The following PHETA1 variants were observed in gnomAD, a reference collection of about 807,000 sequenced individuals.
PHETA1 encodes the protein sesquipedalian-1.
For missense variants in PHETA1, 348 were observed against 373.5 expected, an observed-to-expected ratio of 0.93 and a Z score of 0.56; for synonymous variants, 155 against 168.9, an observed-to-expected ratio of 0.92 and a Z score of 0.64.
chr12:111,363,627 CAG>C lies in PHETA1; in HGVS notation c.-36-166_-36-165del. 1 of 1,534,756 alleles carries C rather than the reference CAG, an allele frequency of 6.5e-7. No homozygotes were observed. The highest frequency in any genetic ancestry group is 1.4e-5 in the African/African-American group (1 of 73,162). ...CTATGCGCCCACAACTCCTAAGAAG[CAG>C]AGACAGGACTGGAACCTGGGTCTCA... On this transcript the variant is annotated intron_variant, in intron 2 of 2. Transcript: ENST00000683047. This position sits in a 1 kb window ranked among gnomAD's most constrained non-coding sequence, Gnocchi z 7.4.
rs200035838 is a variant in PHETA1 at position 111,363,315 on chromosome 12, C to A, written c.113G>T (p.Trp38Leu). 6.2e-7 allele frequency: 1 copy of A among 1,613,210 alleles called. No individual in the cohort carries two copies. Among genetic ancestry groups the A allele is most frequent in the East Asian group, 2.2e-5 (1 of 44,878 alleles). The change falls in exon 3 of 3, where the codon TGG (tryptophan) becomes TTG (leucine). Residue 38 changes from tryptophan (W) to leucine (L), a missense_variant. Coordinates refer to ENST00000683047, the MANE Select transcript of PHETA1 (RefSeq NM_144671.6). The surrounding 1 kb of genome is among the most constrained non-coding windows in gnomAD (Gnocchi z 7.4). The stretch of plus-strand genomic sequence containing the variant: ...GAGCATGTTCCCGCGCAGCACGAAC[C>A]AGCGCCGGTGGTAGGCCGCGTGCCG... ...GGRHAAYHRR[W>L]FVLRGNMLFY...
chr12:111,365,642 C>T (rs1372605667), intron 2 of PHETA1: 2 of 416,032 alleles, frequency 4.8e-6, no homozygotes, highest in Non-Finnish European at 4.8e-6. Context: ...AAGCCATCAT[C>T]CTCAGCAAAC....
rs1265336431 is a variant in PHETA1, at chr12:111,363,852, G to A, written c.-36-389C>T. On this transcript the variant is annotated intron_variant, in intron 2 of 2. Coordinates refer to ENST00000683047, the MANE Select transcript of PHETA1 (RefSeq NM_144671.6). This position sits in a 1 kb window ranked among gnomAD's most constrained non-coding sequence, Gnocchi z 7.4. ...GCACAGAGAGGTTAACTGCTTCCCT[G>A]GTGTCACAAAGCAGGTTGGGCAGGG... 2 of 833,460 alleles carry A rather than the reference G, an allele frequency of 2.4e-6. No homozygotes were observed. Among genetic ancestry groups the A allele is most frequent in the Non-Finnish European group, 3.3e-6 (2 of 605,164 alleles). 51.6% of individuals were successfully genotyped at this position (833,460 alleles called of 1,614,324 possible).
In PHETA1 at chr12:111,363,505, G is replaced by A. The variant is rs776083540; in HGVS notation, c.-36-42C>T. 116 of 1,556,178 alleles carry A rather than the reference G, an allele frequency of 7.5e-5. No homozygotes were observed. The highest frequency in any genetic ancestry group is 7.1e-5 in the South Asian group (6 of 84,300). ...GGCTGTTATGCACAAGGCCACTGAC[G>A]CTAGGTCACCCAGTGCCCCAAGGGG... is the stretch of plus-strand genomic sequence containing the variant. On this transcript the variant is annotated intron_variant, in intron 2 of 2. Transcript: ENST00000683047. This position sits in a 1 kb window ranked among gnomAD's most constrained non-coding sequence, Gnocchi z 7.4.
chr12:111,361,550 A>G lies in PHETA1; in HGVS notation c.*1128T>C. ...CAGCCCCGAGGTTCTCCCTGGATGA[A>G]AAATGGGCACTGTGGTGAGAAGAAA... is the stretch of plus-strand genomic sequence containing the variant. On this transcript the variant is annotated 3_prime_UTR_variant, in exon 3 of 3. Transcript: ENST00000683047. 1 of 224,066 alleles carries G rather than the reference A, an allele frequency of 4.5e-6. No individual in the cohort carries two copies. The highest frequency in any genetic ancestry group is 9.0e-6 in the Non-Finnish European group (1 of 110,548). 13.9% of individuals were successfully genotyped at this position (224,066 alleles called of 1,614,324 possible).
rs1868829716 is a variant in PHETA1 at position 111,363,429 on chromosome 12, G to A, written c.-2C>T. The A allele has an allele frequency of 6.2e-7, 1 of 1,607,812 alleles. No individual in the cohort carries two copies. Among genetic ancestry groups the A allele is most frequent in the Non-Finnish European group, 8.5e-7 (1 of 1,176,482 alleles). On this transcript the variant is annotated 5_prime_UTR_variant, in exon 3 of 3. Transcript: ENST00000683047. This position sits in a 1 kb window ranked among gnomAD's most constrained non-coding sequence, Gnocchi z 7.4. Reference sequence around the variant, plus strand: ...CAGGCTGCGCTCGTTCAGCTTCATGGTGGCAATCGCGGGGCCTGGAGGGGA... The same window carrying A: ...CAGGCTGCGCTCGTTCAGCTTCATGATGGCAATCGCGGGGCCTGGAGGGGA...
Position 111,362,860 on chromosome 12 carries a change from C to T in PHETA1, c.568G>A (p.Val190Ile), listed in dbSNP as rs1037366786. The T allele has an allele frequency of 3.3e-6, 5 of 1,537,124 alleles. No individual in the cohort carries two copies. The highest frequency in any genetic ancestry group is 4.4e-6 in the Non-Finnish European group (5 of 1,145,338). ...ALPPKENGCA[V>I]WSTEATFRPG... is the part of the protein sequence containing the mutation. ...CTGAAGGTGGCCTCAGTGCTCCAGA[C>T]AGCGCAGCCATTCTCCTTGGGCGGG... The change falls in exon 3 of 3, where the codon GTC becomes ATC. Residue 190 changes from valine (V) to isoleucine (I), a missense_variant. Coordinates refer to ENST00000683047, the MANE Select transcript of PHETA1 (RefSeq NM_144671.6).
Position 111,363,462 on chromosome 12 carries a change from GC to G in PHETA1, c.-36del. On this transcript the variant is annotated splice_region_variant and 5_prime_UTR_variant, in exon 3 of 3. Transcript: ENST00000683047. This position sits in a 1 kb window ranked among gnomAD's most constrained non-coding sequence, Gnocchi z 7.4. ...CGCGGGGCCTGGAGGGGAGCCTGGG[GC>G]CTGGACCCCATAGAAGGGCTGTTAT... 1 of 1,595,762 alleles carries G rather than the reference GC, an allele frequency of 6.3e-7. No homozygotes were observed.
chr12:111,366,841 G>A (rs1869062365), intron 1 of PHETA1, among the ~76,000 whole-genome samples: 1 of 151,986 alleles, frequency 6.6e-6, no homozygotes, highest in Non-Finnish European at 1.5e-5. Flanking sequence ...GGGAGGCTGA[G>A]GGGGTAGGAT....
rs778489360 is a variant in PHETA1, at chr12:111,363,101, C to CTG, written c.326_327insCA (p.Arg110SerfsTer194). The CTG allele has an allele frequency of 1.9e-6, 3 of 1,599,570 alleles. No homozygotes were observed. In the East Asian group the frequency reaches 6.7e-5, roughly 36 times the overall value. On this transcript the variant is annotated frameshift_variant, in exon 3 of 3. Transcript: ENST00000683047. LOFTEE classifies it low-confidence loss of function (END_TRUNC). The surrounding 1 kb of genome is among the most constrained non-coding windows in gnomAD (Gnocchi z 7.4). ...GCCGCAGGTAGTCGAAGCTGGCACG[C>CTG]GACAGGGCCTTGACCCAGCCCTCCA...
chr12:111,364,575 C>A (rs1330644056), intron 2 of PHETA1, among the ~76,000 whole-genome samples: 3 of 152,082 alleles, frequency 2.0e-5, no homozygotes, highest in African/African-American at 7.2e-5. Context: ...AGTTCGAGAC[C>A]AGCCTGGCCA....
Position 111,363,799 on chromosome 12 carries a change from CA to C in PHETA1, c.-36-337del. The C allele has an allele frequency of 7.8e-7, 1 of 1,286,086 alleles. No individual in the cohort carries two copies. The highest frequency in any genetic ancestry group is 1.0e-6 in the Non-Finnish European group (1 of 975,590). The allele number at this position is 1,286,086 out of a possible 1,614,324, so 79.7% of individuals were successfully genotyped here. On this transcript the variant is annotated intron_variant, in intron 2 of 2. Transcript: ENST00000683047. This position sits in a 1 kb window ranked among gnomAD's most constrained non-coding sequence, Gnocchi z 7.4. The stretch of plus-strand genomic sequence containing the variant: ...CCTTAGGTCACAGGGACTGGCCTGG[CA>C]CCAGTGCAACAGATGAGGAAACAGA...
At position 111,362,553 on chromosome 12, in the gene PHETA1, C is replaced by T; in HGVS notation, c.*125G>A. On this transcript the variant is annotated 3_prime_UTR_variant, in exon 3 of 3. Transcript: ENST00000683047. ...CTGCATCCCCCAAAACCAGGCCACT[C>T]AGGGCCTGGGGGCCAGCCTTGCCCA... is the stretch of plus-strand genomic sequence containing the variant. The T allele has an allele frequency of 1.3e-6, 2 of 1,535,202 alleles. No homozygotes were observed. Among genetic ancestry groups the T allele is most frequent in the South Asian group, 1.2e-5 (1 of 83,066 alleles).
intron 2 of PHETA1, 54 bp downstream of exon 2, chr12:111,366,059 T>C (rs981127287): frequency 1.2e-5 from 2 of 162,028 alleles, no homozygotes; most frequent in African/African-American, 4.8e-5. Flanking sequence ...ATGTGGATGC[T>C]GGCCCCGGTT....
In PHETA1 at chr12:111,367,368, C is replaced by T. The variant is rs908569231; in HGVS notation, c.-181-1111G>A. 9.9e-5 allele frequency among the ~76,000 whole-genome samples: 15 copies of T among 152,156 alleles called. No homozygotes were observed. The highest frequency in any genetic ancestry group is 3.9e-4 in the Admixed American group (6 of 15,270). On this transcript the variant is annotated intron_variant, in intron 1 of 2. Coordinates refer to ENST00000683047, the MANE Select transcript of PHETA1 (RefSeq NM_144671.6). The surrounding 1 kb of genome is among the most constrained non-coding windows in gnomAD (Gnocchi z 4.0). ...GGCGTTTGTGGTCTGAATTCTAGTG[C>T]CTGGCATGCAGTAGGTACTCACACA...
Position 111,361,988 on chromosome 12 carries a change from C to T in PHETA1, c.*690G>A, listed in dbSNP as rs1407708046. On this transcript the variant is annotated 3_prime_UTR_variant, in exon 3 of 3. Coordinates refer to ENST00000683047, the MANE Select transcript of PHETA1 (RefSeq NM_144671.6). ...CAGAGAGCCACTGCCACCAGGAGCA[C>T]CACCATGAGGCCTGGCAGGGGACTT... is the stretch of plus-strand genomic sequence containing the variant. 2.0e-5 allele frequency: 9 copies of T among 456,116 alleles called. No homozygotes were observed. The highest frequency in any genetic ancestry group is 1.4e-4 in the South Asian group (9 of 64,562). The allele number at this position is 456,116 out of a possible 1,614,324, so 28.3% of individuals were successfully genotyped here. A position where few individuals can be genotyped will look rare whatever the true frequency, so the allele number is the denominator to read the frequency against.
In PHETA1 at chr12:111,363,115, C is replaced by G; in HGVS notation, c.313G>C (p.Val105Leu). 1 of 1,606,548 alleles carries G rather than the reference C, an allele frequency of 6.2e-7. No homozygotes were observed. The highest frequency in any genetic ancestry group is 8.5e-7 in the Non-Finnish European group (1 of 1,179,016). The change falls in exon 3 of 3, where the codon GTC becomes CTC. Residue 105 changes from valine (V) to leucine (L), a missense_variant. Coordinates refer to ENST00000683047, the MANE Select transcript of PHETA1 (RefSeq NM_144671.6). This position sits in a 1 kb window ranked among gnomAD's most constrained non-coding sequence, Gnocchi z 7.4. ...AESQDAMEGW[V>L]KALSRASFDY... ...AAGCTGGCACGCGACAGGGCCTTGA[C>G]CCAGCCCTCCATGGCATCCTGACTC...
Position 111,363,797 on chromosome 12 carries a change from G to A in PHETA1, c.-36-334C>T. ...GACCTTAGGTCACAGGGACTGGCCT[G>A]GCACCAGTGCAACAGATGAGGAAAC... On this transcript the variant is annotated intron_variant, in intron 2 of 2. Transcript: ENST00000683047. This position sits in a 1 kb window ranked among gnomAD's most constrained non-coding sequence, Gnocchi z 7.4. 1 of 1,295,892 alleles carries A rather than the reference G, an allele frequency of 7.7e-7. No homozygotes were observed. Among genetic ancestry groups the A allele is most frequent in the Non-Finnish European group, 1.0e-6 (1 of 983,198 alleles). The allele number at this position is 1,295,892 out of a possible 1,614,324, so 80.3% of individuals were successfully genotyped here.
rs1033064590 is a variant in PHETA1 at position 111,361,439 on chromosome 12, T to A, written c.*1239A>T. The A allele has an allele frequency of 1.3e-5, 2 of 157,176 alleles. No homozygotes were observed. The highest frequency in any genetic ancestry group is 4.8e-5 in the African/African-American group (2 of 41,360). 9.7% of individuals were successfully genotyped at this position (157,176 alleles called of 1,614,324 possible). On this transcript the variant is annotated 3_prime_UTR_variant, in exon 3 of 3. Coordinates refer to ENST00000683047, the MANE Select transcript of PHETA1 (RefSeq NM_144671.6). The stretch of plus-strand genomic sequence containing the variant: ...GAGGCAGCGTTTGGGAAAATCAAGG[T>A]CAGGGTGGAGGTGTCCTCAGGGGGC...
Sources: gnomAD v4.1 joint callset for allele counts (sites outside exome capture counted in the v4.1 genomes callset) on GRCh38, gnomAD v4.1.1 for gene constraint, Gnocchi (gnomAD v3.1) non-coding constraint, MANE v1.5 for transcripts, NCBI Gene and HGNC (gene_info 2026-07-23, HGNC 2026-07-21) for gene names.